NBEA: variants seen among roughly 807,000 people sequenced by gnomAD.
NBEA encodes neurobeachin.
Under a neutral mutation model 343.4 loss-of-function variants are expected in NBEA, and 44 were observed. That is an observed-to-expected ratio of 0.13 (90% CI 0.10 to 0.16). The LOEUF is 0.16. NBEA is among the 10% of genes least tolerant of loss of function. The pLI is 1.00. For missense variants in NBEA, 2,555 were observed against 3,631.3 expected, an observed-to-expected ratio of 0.70 and a Z score of 7.62; for synonymous variants, 1,175 against 1,238.7, an observed-to-expected ratio of 0.95 and a Z score of 1.08.
rs145992360 is a variant in NBEA at position 35,108,507 on chromosome 13, T to A, written c.1681-783T>A. On this transcript the variant is annotated intron_variant, in intron 11 of 58. Transcript: ENST00000379939. ...AACGTATTTAGCCTAGTATTTTATT[T>A]TGATAATATGCAATATATTATTTCA... Among the ~76,000 whole-genome samples the A allele has an allele frequency of 2.4e-3, 368 of 152,192 alleles. 1 individual carries two copies. The highest frequency in any genetic ancestry group is 8.5e-3 in the African/African-American group (354 of 41,566).
intron 10 of NBEA, among the ~76,000 whole-genome samples, chr13:35,097,914 A>G (rs1353238378): frequency 6.6e-6 from 1 of 152,046 alleles, no homozygotes; most frequent in African/African-American, 2.4e-5. Context: ...ATTCTCTACA[A>G]TAGCTTGTTA....
Position 35,270,550 on chromosome 13 carries a change from G to T in NBEA, c.5777-19839G>T, listed in dbSNP as rs548595851. Among the ~76,000 whole-genome samples, 3 of 152,334 alleles carry T rather than the reference G, an allele frequency of 2.0e-5. No homozygotes were observed. The South Asian group carries it at 6.2e-4, about 32-fold the overall frequency. On this transcript the variant is annotated intron_variant, in intron 34 of 58. Transcript: ENST00000379939. Reference sequence around the variant, plus strand: ...GTCGCCTCACCTGGGAAGTACAAGAGGTCTGGGGATTTCCCTTTCCTAGCC... The same window carrying T: ...GTCGCCTCACCTGGGAAGTACAAGATGTCTGGGGATTTCCCTTTCCTAGCC...
chr13:35,648,207 T>TA (rs1198613886), intron 51 of NBEA, among the ~76,000 whole-genome samples: 116 of 140,350 alleles, frequency 8.3e-4, no homozygotes, highest in Admixed American at 1.7e-3. Context: ...TTTTTTTTTT[T>TA]ACCTTCCTTC....
At chr13:35,308,542 A>G (rs372379315) in intron 35 of NBEA, among the ~76,000 whole-genome samples, 136 of 81,900 alleles carry the variant, frequency 1.7e-3, no homozygotes, top group African/African-American at 4.3e-3. Flanking sequence ...GTATATATGT[A>G]TATATATGTA....
At chr13:34,990,703 T>G (rs57857558) in intron 1 of NBEA, among the ~76,000 whole-genome samples, 4,793 of 152,220 alleles carry the variant, frequency 0.031, 295 homozygotes, top group African/African-American at 0.1. Flanking sequence ...AATTTCTACA[T>G]CCAGCTTGAA....
At chr13:35,352,031 C>T (rs2040225549) in intron 37 of NBEA, 126 bp from the exon 38 acceptor site, 2 of 478,866 alleles carry the variant, frequency 4.2e-6, no homozygotes. Context: ...AACAAAATAT[C>T]AAAAGATTAC....
Position 35,452,033 on chromosome 13 carries a change from C to T in NBEA, c.6305-59C>T, listed in dbSNP as rs552896794. ...ATAAAGCAATCAATTATTTATAATACCTACTATAAGCAGAAACAATCATAA... is the reference window on the plus strand; with the variant it reads ...ATAAAGCAATCAATTATTTATAATATCTACTATAAGCAGAAACAATCATAA... On this transcript the variant is annotated intron_variant, in intron 39 of 58. Coordinates refer to ENST00000379939, the MANE Select transcript of NBEA (RefSeq NM_001385012.1). 61 of 1,188,768 alleles carry T rather than the reference C, an allele frequency of 5.1e-5. No individual in the cohort carries two copies. In the African/African-American group the frequency reaches 8.3e-4, roughly 16 times the overall value. The allele number at this position is 1,188,768 out of a possible 1,614,324, so 73.6% of individuals were successfully genotyped here. A position where few individuals can be genotyped will look rare whatever the true frequency, so the allele number is the denominator to read the frequency against.
At chr13:35,339,943 C>A (rs1478418364) in intron 36 of NBEA, among the ~76,000 whole-genome samples, 1 of 152,018 alleles carries the variant, frequency 6.6e-6, no homozygotes, top group Non-Finnish European at 1.5e-5. Context: ...CAGATCCAAA[C>A]CATATTAGGC....
chr13:35,108,349 A>AT (rs936630615), intron 11 of NBEA, among the ~76,000 whole-genome samples: 4 of 151,954 alleles, frequency 2.6e-5, no homozygotes, highest in Non-Finnish European at 5.9e-5. Flanking sequence ...TATGAAGAGC[A>AT]TTTTTTTAAT....
intron 38 of NBEA, among the ~76,000 whole-genome samples, chr13:35,395,110 A>T (rs2042682952): frequency 6.6e-6 from 1 of 152,086 alleles, no homozygotes; most frequent in East Asian, 1.9e-4. Flanking sequence ...CAGAGAACAT[A>T]CTCCATGTAA....
At position 35,117,481 on chromosome 13, in the gene NBEA, G is replaced by T; in HGVS notation, c.2070G>T (p.Gln690His). 7.4e-7 allele frequency: 1 copy of T among 1,344,736 alleles called. No individual in the cohort carries two copies. Among genetic ancestry groups the T allele is most frequent in the East Asian group, 2.9e-5 (1 of 34,104 alleles). 83.3% of individuals were successfully genotyped at this position (1,344,736 alleles called of 1,614,324 possible). A position where few individuals can be genotyped will look rare whatever the true frequency, so the allele number is the denominator to read the frequency against. Residue 690 changes from glutamine (Q) to histidine (H), a missense_variant, in exon 14 of 59, where the codon CAG becomes CAT. Around this residue, in one of 21 missense-constraint regions of NBEA, gnomAD observed 360 missense variants for 519.1 expected, o/e 0.69. Transcript: ENST00000379939. ...LRAFMLLFLK[Q>H]LILKDRGVKE... ...CATTTATGCTACTTTTTCTGAAACA[G>T]CTGATACTAAAGGTAAAATAATTTT... is the stretch of plus-strand genomic sequence containing the variant.
intron 38 of NBEA, among the ~76,000 whole-genome samples, chr13:35,381,314 T>G (rs980293578): frequency 1.3e-5 from 2 of 152,170 alleles, no homozygotes; most frequent in African/African-American, 4.8e-5. Flanking sequence ...CACAGCAGAC[T>G]ACTATGCTGT....
In NBEA at chr13:35,159,414, A is replaced by G. The variant is rs556475086; in HGVS notation, c.3243A>G (p.Leu1081=). The G allele has an allele frequency of 6.2e-7, 1 of 1,613,450 alleles. No individual in the cohort carries two copies. Among genetic ancestry groups the G allele is most frequent in the Non-Finnish European group, 8.5e-7 (1 of 1,179,668 alleles). ...ATATGGATTTATCACCGGAGACTTTAGTAGGTGGAGAGAATGGTGCCCTTG... is the reference window on the plus strand; with the variant it reads ...ATATGGATTTATCACCGGAGACTTTGGTAGGTGGAGAGAATGGTGCCCTTG... ...LDDMDLSPET[L]VGGENGALVE... The change falls in exon 22 of 59, where the codon TTA becomes TTG. Residue 1081 remains leucine, a synonymous_variant. Transcript: ENST00000379939.
intron 41 of NBEA, among the ~76,000 whole-genome samples, chr13:35,529,036 T>C (rs1418536349): frequency 6.6e-6 from 1 of 152,188 alleles, no homozygotes; most frequent in East Asian, 1.9e-4. Flanking sequence ...GAAATAATGA[T>C]AGTAAATAAC....
intron 1 of NBEA, among the ~76,000 whole-genome samples, chr13:35,027,939 A>G (rs1375183614): frequency 6.6e-6 from 1 of 151,898 alleles, no homozygotes; most frequent in Non-Finnish European, 1.5e-5. Context: ...AAGGTTGTTC[A>G]TCCTCCATTT....
chr13:35,425,121 G>A (rs1406184225), intron 38 of NBEA, among the ~76,000 whole-genome samples: 2 of 151,986 alleles, frequency 1.3e-5, no homozygotes, highest in Admixed American at 1.3e-4. Context: ...TTAATTTTTT[G>A]AAGGGTTTTT....
chr13:34,994,198 CAAAAAAAAAAAAA>C (rs57966701), intron 1 of NBEA, among the ~76,000 whole-genome samples: 11 of 29,922 alleles, frequency 3.7e-4, no homozygotes, highest in African/African-American at 5.1e-4. Flanking sequence ...GCTCTGTCTC[CAAAAAAAAAAAAA>C]AAAAAAAAAA....
intron 1 of NBEA, among the ~76,000 whole-genome samples, chr13:34,980,067 AGTACTGTGGT>A (rs1249809924): frequency 6.6e-6 from 1 of 152,176 alleles, no homozygotes; most frequent in African/African-American, 2.4e-5. Context: ...TCTTTATGTC[AGTACTGTGGT>A]GTACTGTGGT....
intron 34 of NBEA, among the ~76,000 whole-genome samples, chr13:35,273,247 A>G (rs1264435582): frequency 5.3e-5 from 8 of 152,184 alleles, no homozygotes; most frequent in Admixed American, 2.0e-4. Context: ...CTGCACCTAA[A>G]TGTCTACTGG....
Sources: gnomAD v4.1 joint callset for allele counts (sites outside exome capture counted in the v4.1 genomes callset) on GRCh38, gnomAD v4.1.1 for gene constraint, gnomAD v4.1.1 regional missense constraint, MANE v1.5 for transcripts, NCBI Gene and HGNC (gene_info 2026-07-23, HGNC 2026-07-21) for gene names.